ASIC2: variants seen among roughly 807,000 people sequenced by gnomAD.
The protein encoded by ASIC2 is acid sensing ion channel subunit 2, also known as acid-sensing ion channel 2.
Under a neutral mutation model 57.3 loss-of-function variants are expected in ASIC2, and 25 were observed. The observed-to-expected ratio is 0.44, with a 90% CI of 0.32 to 0.61. The LOEUF (loss-of-function observed/expected upper bound fraction) is 0.61, where lower values mean the gene tolerates loss of function less well. ASIC2 is among the 20% of genes least tolerant of loss of function. The probability of loss-of-function intolerance (pLI) is 0.06; values close to 1 mark genes in which losing one functional copy is unlikely to be tolerated. For synonymous variants in ASIC2, 319 were observed against 307.5 expected, an observed-to-expected ratio of 1.04 and a Z score of -0.39; for missense variants, 641 against 738.1, an observed-to-expected ratio of 0.87 and a Z score of 1.52.
chr17:33,991,863 A>G lies in ASIC2; in HGVS notation c.555+164115T>C, dbSNP rs145657414. ...GACAATTGTGGGCTTATTAGGAGCA[A>G]TTTAGACACAAGATTGGATTTCCTT... On this transcript the variant is annotated intron_variant, in intron 1 of 9. Transcript: ENST00000359872. 5.1e-4 allele frequency among the ~76,000 whole-genome samples: 78 copies of G among 152,316 alleles called. 1 individual carries two copies. The East Asian group carries it at 0.012, about 24-fold the overall frequency.
At chr17:33,033,440 C>T (rs2091894287) in intron 3 of ASIC2, among the ~76,000 whole-genome samples, 1 of 152,170 alleles carries the variant, frequency 6.6e-6, no homozygotes, top group Non-Finnish European at 1.5e-5. Context: ...AAGTGGGAGC[C>T]CTGCCCCTTC....
At chr17:33,203,194 G>A (rs996350257) in intron 1 of ASIC2, among the ~76,000 whole-genome samples, 3 of 152,340 alleles carry the variant, frequency 2.0e-5, no homozygotes, top group African/African-American at 7.2e-5. Context: ...ATCCATGTCT[G>A]TCTCAGAAGC....
intron 1 of ASIC2, among the ~76,000 whole-genome samples, chr17:34,052,046 A>T (rs934623541): frequency 1.3e-5 from 2 of 152,152 alleles, no homozygotes; most frequent in African/African-American, 4.8e-5. Flanking sequence ...CTTGGTTCTC[A>T]TTCTTGATTG....
chr17:33,954,181 C>G lies in ASIC2; in HGVS notation c.555+201797G>C, dbSNP rs142789453. Among the ~76,000 whole-genome samples the G allele has an allele frequency of 2.0e-3, 298 of 152,314 alleles. 3 individuals are homozygous for G. Among genetic ancestry groups the G allele is most frequent in the African/African-American group, 7.0e-3 (290 of 41,576 alleles). On this transcript the variant is annotated intron_variant, in intron 1 of 9. Transcript: ENST00000359872. ...CTATCTGACACTGTTGCCTACCCAG[C>G]ATCTGTGGAGGTGGGATGCAGCAGC... is the stretch of plus-strand genomic sequence containing the variant.
rs1555590397 is a variant in ASIC2 at position 33,269,759 on chromosome 17, C to CTTCCTTCCTTCT, written c.708+21648_708+21649insAGAAGGAAGGAA. On this transcript the variant is annotated intron_variant, in intron 1 of 9. Coordinates refer to ENST00000225823, the MANE Select transcript of ASIC2 (RefSeq NM_183377.2). ...CCTTCCTTCCTTCCTTCTTTCCTTC[C>CTTCCTTCCTTCT]TTCCTTCCTTCCTTCTTTCCTTTTT... 8.2e-3 allele frequency among the ~76,000 whole-genome samples: 1,195 copies of CTTCCTTCCTTCT among 145,240 alleles called. 42 individuals are homozygous for CTTCCTTCCTTCT. Among genetic ancestry groups the CTTCCTTCCTTCT allele is most frequent in the African/African-American group, 0.029 (1,117 of 38,082 alleles).
chr17:33,178,984 G>T (rs1437111265), intron 1 of ASIC2, among the ~76,000 whole-genome samples: 1 of 152,208 alleles, frequency 6.6e-6, no homozygotes, highest in Non-Finnish European at 1.5e-5. Flanking sequence ...ACACTGGCCA[G>T]AATTCCAAGT....
chr17:33,626,231 T>C (rs1406336053), intron 1 of ASIC2, among the ~76,000 whole-genome samples: 1 of 152,230 alleles, frequency 6.6e-6, no homozygotes. Context: ...TAATTTAATG[T>C]GGTTGGTAAG....
At chr17:33,231,908 T>C (rs1402394793) in intron 1 of ASIC2, among the ~76,000 whole-genome samples, 1 of 152,172 alleles carries the variant, frequency 6.6e-6, no homozygotes, top group Non-Finnish European at 1.5e-5. Context: ...TCCTTTATAT[T>C]CATTCATTAC....
intron 1 of ASIC2, among the ~76,000 whole-genome samples, chr17:33,729,875 T>C (rs937545834): frequency 1.6e-4 from 25 of 152,188 alleles, no homozygotes; most frequent in African/African-American, 5.5e-4. Flanking sequence ...TTAACCCTAA[T>C]TATTCAGCTG....
intron 1 of ASIC2, among the ~76,000 whole-genome samples, chr17:33,817,985 G>A (rs921690048): frequency 1.3e-5 from 2 of 152,092 alleles, no homozygotes; most frequent in African/African-American, 4.8e-5. Flanking sequence ...TTGTACGTTG[G>A]CTCAAAGCTC....
intron 1 of ASIC2, among the ~76,000 whole-genome samples, chr17:33,203,914 C>T (rs569583037): frequency 2.6e-5 from 4 of 152,334 alleles, no homozygotes; most frequent in South Asian, 4.1e-4. Flanking sequence ...ATACCTATTT[C>T]GTCCTTAGGT....
intron 1 of ASIC2, among the ~76,000 whole-genome samples, chr17:33,659,811 G>A (rs888340427): frequency 2.6e-5 from 4 of 151,970 alleles, no homozygotes; most frequent in Non-Finnish European, 4.4e-5. Flanking sequence ...GGCGAAGCTT[G>A]CAGTGAGCCG....
At chr17:33,928,450 T>TCC (rs1915867685) in intron 1 of ASIC2, among the ~76,000 whole-genome samples, 2 of 152,152 alleles carry the variant, frequency 1.3e-5, no homozygotes, top group Non-Finnish European at 2.9e-5. Context: ...CCATGCCTCC[T>TCC]CCCATATCCT....
At chr17:34,118,761 C>A (rs1040237828) in intron 1 of ASIC2, 1 of 152,264 alleles carries the variant, frequency 6.6e-6, no homozygotes, top group African/African-American at 2.4e-5. Context: ...GTCCTTACAT[C>A]TCTGCAGGTC....
intron 1 of ASIC2, among the ~76,000 whole-genome samples, chr17:33,582,360 C>G (rs1212121667): frequency 6.6e-6 from 1 of 152,140 alleles, no homozygotes; most frequent in African/African-American, 2.4e-5. Flanking sequence ...GAGCCAGGCT[C>G]AGTCTATAAA....
In ASIC2 at chr17:33,221,160, C is replaced by T. The variant is rs149284522; in HGVS notation, c.708+70248G>A. 5.6e-3 allele frequency among the ~76,000 whole-genome samples: 847 copies of T among 152,218 alleles called. 5 individuals carry two copies. Among genetic ancestry groups the T allele is most frequent in the Non-Finnish European group, 8.7e-3 (589 of 68,016 alleles). ...GGCTTCAATTCTTTCATTCTAGAAG[C>T]CAGTTCTAGGCCTGGCTCTGTTGTA... is the stretch of plus-strand genomic sequence containing the variant. On this transcript the variant is annotated intron_variant, in intron 1 of 9. Transcript: ENST00000225823.
chr17:33,466,254 A>G (rs62068227), intron 1 of ASIC2, among the ~76,000 whole-genome samples: 345 of 152,338 alleles, frequency 2.3e-3, no homozygotes, highest in Non-Finnish European at 2.4e-3. Context: ...TACAAAGGAA[A>G]TAAAATACCT....
chr17:33,828,229 C>T (rs1211733319), intron 1 of ASIC2: 1 of 152,166 alleles, frequency 6.6e-6, no homozygotes, highest in Non-Finnish European at 1.5e-5. Flanking sequence ...AATCATTCTA[C>T]AGGCTTTTTA....
chr17:33,796,005 C>T (rs1199113403), intron 1 of ASIC2, among the ~76,000 whole-genome samples: 1 of 152,224 alleles, frequency 6.6e-6, no homozygotes, highest in Non-Finnish European at 1.5e-5. Context: ...TAAGATGAGG[C>T]TTTGTGAGAG....
Sources: allele counts gnomAD v4.1 joint callset (sites outside exome capture counted in the v4.1 genomes callset), GRCh38; gene constraint gnomAD v4.1.1; transcripts MANE v1.5; gene names NCBI Gene and HGNC (gene_info 2026-07-23, HGNC 2026-07-21).